Variants in NID1 observed in about 807,000 individuals in gnomAD.
NID1 encodes the protein nidogen-1.
A neutral mutation model predicts 130.6 loss-of-function variants in NID1; 76 were observed. That is an observed-to-expected ratio of 0.58 (90% CI 0.48 to 0.70). The LOEUF (loss-of-function observed/expected upper bound fraction) is 0.70. NID1 is among the 30% of genes least tolerant of loss of function. The pLI is 0.00. For synonymous variants in NID1, 665 were observed against 675.1 expected (o/e 0.98, Z 0.23); for missense variants, 1,517 against 1,664.8 (o/e 0.91, Z 1.54).
At position 235,978,993 on chromosome 1, in the gene NID1, A is replaced by T; in HGVS notation, c.3622+2T>A. On this transcript the variant is annotated splice_donor_variant, in intron 19 of 19. Coordinates refer to ENST00000264187, the MANE Select transcript of NID1 (RefSeq NM_002508.3). LOFTEE classifies it high-confidence loss of function. ...CCAACAGTAACAGCACAGGAGAGTT[A>T]CCTTGCGGACACTGAGACAGGGCCG... The T allele has an allele frequency of 6.2e-7, 1 of 1,606,904 alleles. No homozygotes were observed. The highest frequency in any genetic ancestry group is 8.5e-7 in the Non-Finnish European group (1 of 1,173,480).
In NID1 at chr1:236,011,947, C is replaced by G; in HGVS notation, c.2501G>C (p.Gly834Ala). The G allele has an allele frequency of 1.2e-6, 2 of 1,614,160 alleles. No individual in the cohort carries two copies. The highest frequency in any genetic ancestry group is 1.1e-5 in the South Asian group (1 of 91,076). ...FTCQCKPGYQ[G>A]DGFRCVPGEV... ...TCCGGGCACGCAACGGAAGCCGTCT[C>G]CCTGATAACCAGGTTTGCACTGGCA... Residue 834 changes from glycine (G) to alanine (A), a missense_variant, in exon 12 of 20, where the codon GGA becomes GCA. By Grantham distance (60) the Gly-to-Ala change is moderately conservative. Transcript: ENST00000264187.
At chr1:236,025,659 G>C (rs980973387) in intron 8 of NID1, among the ~76,000 whole-genome samples, 2 of 152,190 alleles carry the variant, frequency 1.3e-5, no homozygotes, top group African/African-American at 4.8e-5. Flanking sequence ...CACCTCAACA[G>C]GTTAGCATTC....
At chr1:236,036,909 T>G (rs1659277536) in intron 5 of NID1, among the ~76,000 whole-genome samples, 1 of 152,202 alleles carries the variant, frequency 6.6e-6, no homozygotes, top group Non-Finnish European at 1.5e-5. Flanking sequence ...CTTTATAAAT[T>G]ACTCAGTTTC....
At chr1:236,018,843 C>A (rs1023767775) in intron 9 of NID1, among the ~76,000 whole-genome samples, 2 of 152,186 alleles carry the variant, frequency 1.3e-5, no homozygotes. Flanking sequence ...TCTTCCCCAG[C>A]GCTTTCATAT....
chr1:235,993,933 C>T (rs1489602377), intron 12 of NID1, 61 bp from the exon 13 acceptor site: 5 of 1,519,084 alleles, frequency 3.3e-6, no homozygotes, highest in South Asian at 1.2e-5. Flanking sequence ...CGCTCCCTGG[C>T]GGGGCTGCAG....
chr1:236,023,996 C>A, intron 9 of NID1, 74 bp downstream of exon 9: 1 of 1,577,284 alleles, frequency 6.3e-7, no homozygotes, highest in South Asian at 1.2e-5. Context: ...ACCCAGTTCT[C>A]TGGTTTACAG....
At chr1:236,050,399 C>A (rs1659732872) in intron 1 of NID1, among the ~76,000 whole-genome samples, 1 of 151,874 alleles carries the variant, frequency 6.6e-6, no homozygotes, top group Non-Finnish European at 1.5e-5. Flanking sequence ...AATAAAAATA[C>A]AAAATTAGCC....
chr1:236,029,934 A>G (rs1558439718), intron 6 of NID1, among the ~76,000 whole-genome samples, 184 bp from the exon 7 acceptor site: 1 of 152,180 alleles, frequency 6.6e-6, no homozygotes, highest in Non-Finnish European at 1.5e-5. Flanking sequence ...CAACTGAGCC[A>G]CACGCAGAGG....
At chr1:236,008,724 C>T (rs149595432) in intron 12 of NID1, among the ~76,000 whole-genome samples, 5 of 150,706 alleles carry the variant, frequency 3.3e-5, no homozygotes, top group East Asian at 2.0e-4. Context: ...TGGAATGCAA[C>T]GGCGTGATCT....
chr1:235,992,238 A>G (rs1558423830), intron 13 of NID1, among the ~76,000 whole-genome samples: 1 of 152,138 alleles, frequency 6.6e-6, no homozygotes, highest in Non-Finnish European at 1.5e-5. Flanking sequence ...TCTCTTGTCT[A>G]TCTTGCCTAT....
rs1278462715 is a variant in NID1, at chr1:236,024,159, TCA to T, written c.2037_2038del (p.Cys679Ter). 1 of 1,614,258 alleles carries T rather than the reference TCA, an allele frequency of 6.2e-7. No homozygotes were observed. Reference sequence around the variant, plus strand: ...ACCAGGGCGACAGGCCGCGTTGGTGTCACACCCATGAGTGCCGATGTAGCAGG... The same window carrying T: ...ACCAGGGCGACAGGCCGCGTTGGTGTCACCCATGAGTGCCGATGTAGCAGG... On this transcript the variant is annotated stop_gained and frameshift_variant, in exon 9 of 20. Transcript: ENST00000264187. LOFTEE classifies it high-confidence loss of function.
In NID1 at chr1:235,991,000, G is replaced by A; in HGVS notation, c.2814C>T (p.Ile938=). The A allele has an allele frequency of 6.2e-7, 1 of 1,613,580 alleles. No individual in the cohort carries two copies. The highest frequency in any genetic ancestry group is 8.5e-7 in the Non-Finnish European group (1 of 1,179,754). ...HQGPAVPTAV[I]PLPPGTHLLF... is the part of the protein sequence containing the mutation. ...GTAAATGGGTCCCAGGAGGCAAGGG[G>A]ATCACGGCGGTAGGCACCGCAGGTC... Residue 938 remains isoleucine, a synonymous_variant, in exon 14 of 20, where the codon ATC becomes ATT. Transcript: ENST00000264187.
rs1240425864 is a variant in NID1 at position 236,013,413 on chromosome 1, T to C, written c.2402A>G (p.Gln801Arg). ...PGFSGDGQACQDVDECQPSRC... is the reference protein window; with the variant it reads ...PGFSGDGQACRDVDECQPSRC... ...GGAAGATCAGAGCAACCACACACCT[T>C]GGCAGGCTTGGCCATCCCCAGAAAA... The change falls in exon 11 of 20, where the codon CAA becomes CGA. Residue 801 changes from glutamine (Q) to arginine (R), a missense_variant and splice_region_variant. Coordinates refer to ENST00000264187, the MANE Select transcript of NID1 (RefSeq NM_002508.3). 6.2e-7 allele frequency: 1 copy of C among 1,613,782 alleles called. No homozygotes were observed. The highest frequency in any genetic ancestry group is 1.1e-5 in the South Asian group (1 of 91,060).
intron 12 of NID1, among the ~76,000 whole-genome samples, chr1:236,011,478 T>G (rs1658419624): frequency 6.6e-6 from 1 of 152,124 alleles, no homozygotes; most frequent in African/African-American, 2.4e-5. Flanking sequence ...AATTTTTGTA[T>G]TTTTAGTAGA....
At chr1:236,062,156 C>T (rs948817195) in intron 1 of NID1, among the ~76,000 whole-genome samples, 1 of 152,210 alleles carries the variant, frequency 6.6e-6, no homozygotes, top group African/African-American at 2.4e-5. Flanking sequence ...CTCAAAGACA[C>T]CTTTTTATGG....
intron 9 of NID1, among the ~76,000 whole-genome samples, chr1:236,020,971 G>A (rs1442033706): frequency 6.6e-6 from 1 of 152,206 alleles, no homozygotes; most frequent in African/African-American, 2.4e-5. Flanking sequence ...CTGAAGTGAA[G>A]CACTCCCACT....
intron 1 of NID1, among the ~76,000 whole-genome samples, chr1:236,056,368 C>T (rs1301776575): frequency 6.6e-6 from 1 of 152,100 alleles, no homozygotes; most frequent in African/African-American, 2.4e-5. Flanking sequence ...CATATTTGTA[C>T]ATATTTATGG....
chr1:235,990,939 G>C lies in NID1; in HGVS notation c.2875C>G (p.Leu959Val). Residue 959 changes from leucine to valine, a missense_variant, in exon 14 of 20, where the codon CTG (leucine) becomes GTG (valine). By Grantham distance (32) the Leu-to-Val change is conservative. Around this residue, in one of 3 missense-constraint regions of NID1, gnomAD observed 1,329 missense variants for 1,429.2 expected, o/e 0.93. Coordinates refer to ENST00000264187, the MANE Select transcript of NID1 (RefSeq NM_002508.3). ...AQTGKIERLPLEGNTMRKTEA... is the reference protein window; with the variant it reads ...AQTGKIERLPVEGNTMRKTEA... ...GTCTTCCTCATGGTATTTCCCTCCA[G>C]GGGCAGGCGCTCAATCTTCCCAGTC... 1.2e-6 allele frequency: 2 copies of C among 1,614,156 alleles called. No individual in the cohort carries two copies. Among genetic ancestry groups the C allele is most frequent in the South Asian group, 1.1e-5 (1 of 91,070 alleles).
intron 7 of NID1, among the ~76,000 whole-genome samples, chr1:236,028,385 G>A (rs183741730): frequency 8.5e-5 from 13 of 152,298 alleles, no homozygotes; most frequent in Middle Eastern, 3.4e-3. Flanking sequence ...TAGTGTGCCT[G>A]TAGTCCCAGG....
Sources: allele counts gnomAD v4.1 joint callset (sites outside exome capture counted in the v4.1 genomes callset), GRCh38; gene constraint gnomAD v4.1.1; regional missense constraint gnomAD v4.1.1; transcripts MANE v1.5; gene names NCBI Gene and HGNC (gene_info 2026-07-23, HGNC 2026-07-21).